Variants in CACNA1G observed in about 807,000 individuals in gnomAD.
The protein encoded by CACNA1G is voltage-dependent T-type calcium channel subunit alpha-1G.
In CACNA1G, 67 loss-of-function variants were observed where a neutral mutation model predicts 219.4. The ratio of observed to expected loss-of-function variants is 0.31; its 90% CI spans 0.25 to 0.37. The LOEUF is 0.37. Ranked by LOEUF, CACNA1G falls within the 10% of genes least tolerant of loss-of-function variation. CACNA1G has a pLI of 1.00. For missense variants in CACNA1G, 2,380 were observed against 3,231.4 expected, an observed-to-expected ratio of 0.74 and a Z score of 6.39; for synonymous variants, 1,296 against 1,345.3, an observed-to-expected ratio of 0.96 and a Z score of 0.80.
intron 23 of CACNA1G, chr17:50,606,461 G>A (rs535610574): frequency 2.7e-5 from 16 of 587,326 alleles, no homozygotes; most frequent in East Asian, 2.2e-4. Context: ...GAATCTCCTC[G>A]GAGGTCACAA....
chr17:50,602,776 TG>T, intron 19 of CACNA1G, 43 bp from the exon 20 acceptor site: 1 of 1,586,286 alleles, frequency 6.3e-7, no homozygotes, highest in Non-Finnish European at 8.6e-7. Flanking sequence ...GGCCCAAGGG[TG>T]GGGGCTTCCT....
intron 9 of CACNA1G, among the ~76,000 whole-genome samples, chr17:50,580,405 G>T (rs1309213834): frequency 6.6e-6 from 1 of 151,616 alleles, no homozygotes; most frequent in Admixed American, 6.6e-5. Flanking sequence ...CCCCCAGGGG[G>T]CACCTCCCCA....
rs2046378718 is a variant in CACNA1G at position 50,600,392 on chromosome 17, T to TA, written c.3691-332dup. Among the ~76,000 whole-genome samples the TA allele has an allele frequency of 6.6e-6, 1 of 151,838 alleles. No homozygotes were observed. The highest frequency in any genetic ancestry group is 2.1e-4 in the South Asian group (1 of 4,816). ...ACAGCTGTGTGGGGCCAGTGTTTGA[T>TA]AACTGATGCTGCTTCCCAGCTCAGC... On this transcript the variant is annotated intron_variant, in intron 17 of 37. Coordinates refer to ENST00000359106, the MANE Select transcript of CACNA1G (RefSeq NM_018896.5). This position sits in a 1 kb window ranked among gnomAD's most constrained non-coding sequence, Gnocchi z 4.1.
rs1254375977 is a variant in CACNA1G at position 50,596,603 on chromosome 17, A to G, written c.3021A>G (p.Ser1007=). The stretch of plus-strand genomic sequence containing the variant: ...CCGAATCAGAGCCCGATTTCTTCTC[A>G]CCCAGCCTGGATGGTGATGGGGACA... ...NKSESEPDFF[S]PSLDGDGDRK... Residue 1007 remains serine (S), a synonymous_variant, in exon 15 of 38, where the codon TCA becomes TCG. Transcript: ENST00000359106. The surrounding 1 kb of genome is among the most constrained non-coding windows in gnomAD (Gnocchi z 4.8). 6.2e-7 allele frequency: 1 copy of G among 1,613,684 alleles called. No homozygotes were observed.
rs1057521926 is a variant in CACNA1G, at chr17:50,568,889, A to G, written c.262A>G (p.Met88Val). 4.3e-6 allele frequency: 7 copies of G among 1,613,656 alleles called. No individual in the cohort carries two copies. In the East Asian group the frequency reaches 1.6e-4, roughly 36 times the overall value. The change falls in exon 2 of 38, where the codon ATG (methionine) becomes GTG (valine). Residue 88 changes from methionine to valine, a missense_variant. By Grantham distance (21) the Met-to-Val change is conservative. Coordinates refer to ENST00000359106, the MANE Select transcript of CACNA1G (RefSeq NM_018896.5). ...VCNPWFERIS[M>V]LVILLNCVTL... ...CAGTACCTGGTTTGAGCGCATCAGCATGTTGGTCATCCTTCTCAACTGCGT... is the reference window on the plus strand; with the variant it reads ...CAGTACCTGGTTTGAGCGCATCAGCGTGTTGGTCATCCTTCTCAACTGCGT...
chr17:50,573,005 CCTCTG>C lies in CACNA1G; in HGVS notation c.1048-14_1048-10del. Reference sequence around the variant, plus strand: ...TTGGTGGGCCCATAGTCAGCCTGCCCCTCTGCACCCCCTAGGTCATCACGCTGGAG... The same window carrying C: ...TTGGTGGGCCCATAGTCAGCCTGCCCCACCCCCTAGGTCATCACGCTGGAG... On this transcript the variant is annotated splice_polypyrimidine_tract_variant and intron_variant, in intron 6 of 37. Coordinates refer to ENST00000359106, the MANE Select transcript of CACNA1G (RefSeq NM_018896.5). 1.3e-6 allele frequency: 2 copies of C among 1,573,184 alleles called. No homozygotes were observed. The highest frequency in any genetic ancestry group is 1.7e-6 in the Non-Finnish European group (2 of 1,157,460).
rs542091261 is a variant in CACNA1G, at chr17:50,578,516, C to T, written c.2253C>T (p.Ile751=). 6.3e-6 allele frequency: 10 copies of T among 1,579,982 alleles called. No homozygotes were observed. The highest frequency in any genetic ancestry group is 3.5e-5 in the Admixed American group (2 of 56,582). ...AGTACTTTGGCCGGGGAATCATGAT[C>T]GCCATCCTGGTCAACACACTCAGCA... ...DSKYFGRGIM[I]AILVNTLSMG... is the part of the protein sequence containing the mutation. Residue 751 remains isoleucine, a synonymous_variant, in exon 9 of 38, where the codon ATC becomes ATT. Transcript: ENST00000359106. This position sits in a 1 kb window ranked among gnomAD's most constrained non-coding sequence, Gnocchi z 4.5.
At chr17:50,604,353 T>A (rs1363031387) in intron 22 of CACNA1G, 72 bp downstream of exon 22, 1 of 1,558,928 alleles carries the variant, frequency 6.4e-7, no homozygotes, top group Non-Finnish European at 8.8e-7. Flanking sequence ...CCCTGGGTCC[T>A]ATGGCTCAAG....
intron 23 of CACNA1G, chr17:50,606,391 C>CCTGG: frequency 2.0e-6 from 1 of 511,412 alleles, no homozygotes; most frequent in Non-Finnish European, 3.3e-6. Context: ...AGCTCAATGA[C>CCTGG]CTGGAGCAGC....
Position 50,596,867 on chromosome 17 carries a change from C to G in CACNA1G, c.3202C>G (p.Arg1068Gly). The G allele has an allele frequency of 6.3e-7, 1 of 1,594,282 alleles. No individual in the cohort carries two copies. The change falls in exon 16 of 38, where the codon CGC becomes GGC. Residue 1068 changes from arginine to glycine, a missense_variant. By Grantham distance (125) the Arg-to-Gly change is moderately radical (BLOSUM62 -2). Coordinates refer to ENST00000359106, the MANE Select transcript of CACNA1G (RefSeq NM_018896.5). This position sits in a 1 kb window ranked among gnomAD's most constrained non-coding sequence, Gnocchi z 4.8. ...CGAGGCGCTGGGCCCTGCGTCGCGC[C>G]GCACCAGCAGCAGCGGGTCGGCAGA... is the stretch of plus-strand genomic sequence containing the variant. ...LGEALGPASR[R>G]TSSSGSAEPG... is the part of the protein sequence containing the mutation.
Position 50,596,893 on chromosome 17 carries a change from G to T in CACNA1G, c.3228G>T (p.Glu1076Asp), listed in dbSNP as rs1251689080. Residue 1076 changes from glutamate to aspartate, a missense_variant, in exon 16 of 38, where the codon GAG (glutamate) becomes GAT (aspartate). Glu to Asp is a conservative substitution (Grantham distance 45). Coordinates refer to ENST00000359106, the MANE Select transcript of CACNA1G (RefSeq NM_018896.5). This position sits in a 1 kb window ranked among gnomAD's most constrained non-coding sequence, Gnocchi z 4.8. ...SRRTSSSGSA[E>D]PGAAHEMKSP... ...GCACCAGCAGCAGCGGGTCGGCAGA[G>T]CCTGGGGCGGCCCACGAGATGAAGT... 1.0e-5 allele frequency: 16 copies of T among 1,573,886 alleles called. No homozygotes were observed. The highest frequency in any genetic ancestry group is 1.8e-5 in the Admixed American group (1 of 55,266).
At chr17:50,595,171 G>A (rs892744184) in intron 14 of CACNA1G, 110 bp downstream of exon 14, 3 of 785,062 alleles carry the variant, frequency 3.8e-6, no homozygotes, top group Non-Finnish European at 6.3e-6. Context: ...TGTGCAACCT[G>A]TCATAGCCGT....
At chr17:50,565,191 C>T (rs1319150412) in intron 1 of CACNA1G, among the ~76,000 whole-genome samples, 2 of 152,216 alleles carry the variant, frequency 1.3e-5, no homozygotes, top group Non-Finnish European at 2.9e-5. Context: ...GATTTCTGGC[C>T]TATTTCCCCT....
chr17:50,568,124 G>A (rs2038422349), intron 1 of CACNA1G, among the ~76,000 whole-genome samples: 2 of 152,280 alleles, frequency 1.3e-5, no homozygotes, highest in South Asian at 2.1e-4. Flanking sequence ...AGGGAGCCCC[G>A]GGCTCTGGTG....
intron 7 of CACNA1G, 30 bp from the exon 8 acceptor site, chr17:50,575,513 C>T (rs781651848): frequency 1.7e-5 from 27 of 1,574,292 alleles, no homozygotes; most frequent in Admixed American, 3.5e-5. Flanking sequence ...TTCTTCAGGA[C>T]ATTTCCTCTT....
intron 1 of CACNA1G, among the ~76,000 whole-genome samples, chr17:50,564,475 C>T (rs1377849634): frequency 9.5e-6 from 1 of 105,486 alleles, no homozygotes; most frequent in Non-Finnish European, 1.9e-5. Context: ...GGGAGGGGGG[C>T]CAGAGGGGGA....
At chr17:50,606,715 G>A (rs2048043327) in intron 23 of CACNA1G, among the ~76,000 whole-genome samples, 185 bp from the exon 24 acceptor site, 2 of 152,198 alleles carry the variant, frequency 1.3e-5, no homozygotes, top group African/African-American at 4.8e-5. Flanking sequence ...GGCCCCTCCA[G>A]CTGCAGCTCA....
rs188791874 is a variant in CACNA1G at position 50,618,406 on chromosome 17, T to C, written c.5427+63T>C. ...GCCCCACTTCCTGAGCTAGGATTCC[T>C]TGGGAAGATGAATTGGCCACAAATA... On this transcript the variant is annotated intron_variant, in intron 32 of 37. Coordinates refer to ENST00000359106, the MANE Select transcript of CACNA1G (RefSeq NM_018896.5). The surrounding 1 kb of genome is among the most constrained non-coding windows in gnomAD (Gnocchi z 5.3). 677 of 1,590,518 alleles carry C rather than the reference T, an allele frequency of 4.3e-4. 4 individuals carry two copies. The African/African-American group carries it at 8.4e-3, about 20-fold the overall frequency.
At chr17:50,565,887 C>A (rs934616509) in intron 1 of CACNA1G, among the ~76,000 whole-genome samples, 1 of 152,160 alleles carries the variant, frequency 6.6e-6, no homozygotes, top group African/African-American at 2.4e-5. Flanking sequence ...TTTTTCTCTG[C>A]TTTTGATGGT....
Sources: allele counts gnomAD v4.1 joint callset (sites outside exome capture counted in the v4.1 genomes callset), GRCh38; gene constraint gnomAD v4.1.1; non-coding constraint Gnocchi (gnomAD v3.1); transcripts MANE v1.5; gene names NCBI Gene and HGNC (gene_info 2026-07-23, HGNC 2026-07-21).